RAPGEF2: variants seen among roughly 807,000 people sequenced by gnomAD.
RAPGEF2 encodes PDZ domain containing guanine nucleotide exchange factor (GEF) 1.
Under a neutral mutation model 186.7 loss-of-function variants are expected in RAPGEF2, and 54 were observed. The observed-to-expected ratio is 0.29, with a 90% confidence interval of 0.23 to 0.36. RAPGEF2 has a LOEUF of 0.36. Ranked by LOEUF, RAPGEF2 falls within the 10% of genes least tolerant of loss-of-function variation. The pLI, the probability that RAPGEF2 is intolerant of heterozygous loss-of-function variation, is 1.00. For missense variants in RAPGEF2, 1,532 were observed against 2,045.0 expected (o/e 0.75, Z 4.84); for synonymous variants, 712 against 705.9 (o/e 1.01, Z -0.14).
intron 1 of RAPGEF2, among the ~76,000 whole-genome samples, chr4:159,112,416 C>T (rs1460867318): frequency 6.6e-6 from 1 of 151,816 alleles, no homozygotes; most frequent in Non-Finnish European, 1.5e-5. Flanking sequence ...TAAGGTTAGC[C>T]TTAGCCTTCA....
Position 159,331,438 on chromosome 4 carries a change from G to A in RAPGEF2, c.1475G>A (p.Arg492Gln), listed in dbSNP as rs886738415. The stretch of plus-strand genomic sequence containing the variant: ...AAATAATTGACTTTTCAGGTTACAC[G>A]GGTAGTATTATTGTGGGTAAATAAT... ...NDPSLRDKVT[R>Q]VVLLWVNNHF... is the part of the protein sequence containing the mutation. Residue 492 changes from arginine to glutamine, a missense_variant, in exon 14 of 30, where the codon CGG (arginine) becomes CAG (glutamine). Around this residue, in one of 4 missense-constraint regions of RAPGEF2, gnomAD observed 810 missense variants for 1,210.5 expected, o/e 0.67. Coordinates refer to ENST00000691494, the MANE Select transcript of RAPGEF2 (RefSeq NM_001394067.2). The A allele has an allele frequency of 2.5e-6, 4 of 1,595,156 alleles. No individual in the cohort carries two copies. The highest frequency in any genetic ancestry group is 3.4e-6 in the Non-Finnish European group (4 of 1,166,856).
intron 3 of RAPGEF2, among the ~76,000 whole-genome samples, chr4:159,209,506 C>T (rs1455987411): frequency 1.3e-5 from 2 of 152,238 alleles, no homozygotes; most frequent in African/African-American, 4.8e-5. Flanking sequence ...AACTCACCTC[C>T]TTTGCTCAAA....
intron 7 of RAPGEF2, among the ~76,000 whole-genome samples, chr4:159,303,914 T>C (rs1239766632): frequency 6.6e-6 from 1 of 152,186 alleles, no homozygotes; most frequent in East Asian, 1.9e-4. Flanking sequence ...CTCTCTTTTT[T>C]AACCTTTAAA....
At position 159,356,043 on chromosome 4, in the gene RAPGEF2, A is replaced by T. The variant is rs374428517; in HGVS notation, c.4842A>T (p.Pro1614=). 170 of 1,614,040 alleles carry T rather than the reference A, an allele frequency of 1.1e-4. No individual in the cohort carries two copies. Among genetic ancestry groups the T allele is most frequent in the Non-Finnish European group, 1.3e-4 (159 of 1,180,028 alleles). Residue 1614 remains proline, a synonymous_variant, in exon 29 of 30, where the codon CCA becomes CCT. Coordinates refer to ENST00000691494, the MANE Select transcript of RAPGEF2 (RefSeq NM_001394067.2). ...CTGGGCCTTCATCCGTACAGCAGCC[A>T]CATGGGCATCCCACCAGCAGCAGGC... The part of the protein sequence containing the change: ...DTAGPSSVQQ[P]HGHPTSSRPV...
At chr4:159,131,519 A>ATTGTTTTTTTTTTTTTTTTTTTTTTTTTT in intron 1 of RAPGEF2, among the ~76,000 whole-genome samples, 11 of 37,210 alleles carry the variant, frequency 3.0e-4, no homozygotes, top group South Asian at 8.8e-4. Context: ...ATTAATTGCT[A>ATTGTTTTTTTTTTTTTTTTTTTTTTTTTT]TTTTTTTTTT....
chr4:159,264,054 T>A (rs1329295622), intron 7 of RAPGEF2, among the ~76,000 whole-genome samples: 1 of 152,076 alleles, frequency 6.6e-6, no homozygotes, highest in Non-Finnish European at 1.5e-5. Flanking sequence ...CAAATTAGAG[T>A]GAACTTCAAG....
rs1297776237 is a variant in RAPGEF2 at position 159,103,997 on chromosome 4, G to T, written c.-166G>T. 3.6e-5 allele frequency: 6 copies of T among 167,148 alleles called. No homozygotes were observed. In the Admixed American group the frequency reaches 4.0e-4, roughly 11 times the overall value. 10.4% of individuals were successfully genotyped at this position (167,148 alleles called of 1,614,324 possible). A position where few individuals can be genotyped will look rare whatever the true frequency, so the allele number is the denominator to read the frequency against. On this transcript the variant is annotated 5_prime_UTR_variant, in exon 1 of 30. Transcript: ENST00000691494. ...ACCGCGCTCTCGGCCGCCGGGCCCA[G>T]CCGAGCCGCCCCCCCGCGGGCCCCG...
At chr4:159,137,488 CCTCCAT>C (rs1741843950) in intron 1 of RAPGEF2, among the ~76,000 whole-genome samples, 1 of 152,146 alleles carries the variant, frequency 6.6e-6, no homozygotes, top group Non-Finnish European at 1.5e-5. Flanking sequence ...CTCCCAGAGG[CCTCCAT>C]CTCCAAGTAC....
chr4:159,157,648 G>A (rs1744271932), intron 1 of RAPGEF2, among the ~76,000 whole-genome samples: 1 of 152,132 alleles, frequency 6.6e-6, no homozygotes, highest in African/African-American at 2.4e-5. Flanking sequence ...TCTGTCTAAA[G>A]GAATTCTTCA....
At chr4:159,130,854 C>T (rs949229642) in intron 1 of RAPGEF2, among the ~76,000 whole-genome samples, 25 of 151,738 alleles carry the variant, frequency 1.6e-4, no homozygotes, top group South Asian at 4.2e-4. Flanking sequence ...GGACCATAGG[C>T]GGGCACCACC....
intron 1 of RAPGEF2, among the ~76,000 whole-genome samples, chr4:159,122,189 G>T (rs1311547677): frequency 1.3e-5 from 2 of 151,646 alleles, no homozygotes; most frequent in African/African-American, 4.8e-5. Context: ...ATGATAAAAT[G>T]TTAAAATTTG....
chr4:159,234,559 T>C (rs1029951457), intron 4 of RAPGEF2, among the ~76,000 whole-genome samples: 2 of 145,246 alleles, frequency 1.4e-5, no homozygotes, highest in Non-Finnish European at 3.0e-5. Context: ...ATTTTTTTTT[T>C]TTTTTTTTTT....
intron 1 of RAPGEF2, among the ~76,000 whole-genome samples, chr4:159,184,514 T>G (rs898297164): frequency 7.9e-5 from 12 of 152,168 alleles, no homozygotes; most frequent in Non-Finnish European, 1.3e-4. Context: ...ATTTTTTCAT[T>G]TGTCTGTTGG....
At chr4:159,314,285 T>C (rs1056319185) in intron 8 of RAPGEF2, among the ~76,000 whole-genome samples, 1 of 152,202 alleles carries the variant, frequency 6.6e-6, no homozygotes, top group African/African-American at 2.4e-5. Context: ...CTTTGAAGAA[T>C]GGAGTGAAAA....
chr4:159,300,676 T>C (rs758135328), intron 7 of RAPGEF2, among the ~76,000 whole-genome samples: 3 of 152,200 alleles, frequency 2.0e-5, no homozygotes, highest in Non-Finnish European at 2.9e-5. Flanking sequence ...GTGGCTACAG[T>C]CGCAAGATAA....
intron 3 of RAPGEF2, among the ~76,000 whole-genome samples, chr4:159,210,133 A>G (rs1750375239): frequency 6.6e-6 from 1 of 152,232 alleles, no homozygotes. Context: ...AACTTGCTGG[A>G]CAGGGAAAAT....
In RAPGEF2 at chr4:159,170,303, A is replaced by G. The variant is rs186561567; in HGVS notation, c.70-16339A>G. Among the ~76,000 whole-genome samples, 327 of 152,032 alleles carry G rather than the reference A, an allele frequency of 2.2e-3. 2 individuals carry two copies. The highest frequency in any genetic ancestry group is 7.3e-3 in the African/African-American group (303 of 41,456). ...TTTTTCTTATATATTTTGTATATTA[A>G]CCCCCTATCAGGTGTATGGTTTGCA... On this transcript the variant is annotated intron_variant, in intron 1 of 29. Transcript: ENST00000691494.
chr4:159,123,235 A>G (rs1739913701), intron 1 of RAPGEF2, among the ~76,000 whole-genome samples: 1 of 152,236 alleles, frequency 6.6e-6, no homozygotes, highest in Admixed American at 6.5e-5. Flanking sequence ...AGTTGTTCAT[A>G]GGTCAGAAGT....
chr4:159,163,607 T>TG (rs1744951839), intron 1 of RAPGEF2, among the ~76,000 whole-genome samples: 2 of 152,208 alleles, frequency 1.3e-5, no homozygotes, highest in South Asian at 4.1e-4. Context: ...ATGAATACAG[T>TG]GGAACTGTCT....
Sources: allele counts gnomAD v4.1 joint callset (sites outside exome capture counted in the v4.1 genomes callset), GRCh38; gene constraint gnomAD v4.1.1; regional missense constraint gnomAD v4.1.1; transcripts MANE v1.5; gene names NCBI Gene and HGNC (gene_info 2026-07-23, HGNC 2026-07-21).